The following C19orf12 variants were observed in gnomAD, a reference collection of about 807,000 sequenced individuals.
C19orf12 encodes protein C19orf12.
In C19orf12, 2 loss-of-function variants were observed where a neutral mutation model predicts 3.8. The ratio of observed to expected loss-of-function variants is 0.53; its 90% CI spans 0.22 to 1.66. The LOEUF (loss-of-function observed/expected upper bound fraction) is 1.66, where lower values mean the gene tolerates loss of function less well. Ranked by LOEUF, C19orf12 falls within the 40% of genes most tolerant of loss-of-function variation. C19orf12 has a pLI of 0.20. For missense variants in C19orf12, 156 were observed against 188.8 expected (o/e 0.83, Z 1.02); for synonymous variants, 89 against 84.6 (o/e 1.05, Z -0.28).
chr19:29,702,443 A>T lies in C19orf12; in HGVS notation c.*269T>A. ...AGCAGACGCCTCCGAAGCCTGCGGC[A>T]GGCAGGCCTTTACTCTTCACTGGGG... On this transcript the variant is annotated 3_prime_UTR_variant, in exon 3 of 3. Coordinates refer to ENST00000323670, the MANE Select transcript of C19orf12 (RefSeq NM_031448.6). The T allele has an allele frequency of 1.5e-6, 1 of 658,806 alleles. No individual in the cohort carries two copies. Among genetic ancestry groups the T allele is most frequent in the Non-Finnish European group, 2.8e-6 (1 of 359,264 alleles). 40.8% of individuals were successfully genotyped at this position (658,806 alleles called of 1,614,324 possible).
Position 29,700,566 on chromosome 19 carries a change from C to T in C19orf12, c.*2146G>A. ...TCAGTTCAACAAGAAAAGCCACACT[C>T]AGTTTTCACAGACAGACAACCCCTC... is the stretch of plus-strand genomic sequence containing the variant. On this transcript the variant is annotated 3_prime_UTR_variant, in exon 3 of 3. Coordinates refer to ENST00000323670, the MANE Select transcript of C19orf12 (RefSeq NM_031448.6). The T allele has an allele frequency of 4.4e-6, 2 of 454,108 alleles. No individual in the cohort carries two copies. The highest frequency in any genetic ancestry group is 3.1e-5 in the South Asian group (2 of 64,432). The allele number at this position is 454,108 out of a possible 1,614,324, so 28.1% of individuals were successfully genotyped here. A position where few individuals can be genotyped will look rare whatever the true frequency, so the allele number is the denominator to read the frequency against.
Position 29,700,110 on chromosome 19 carries a change from G to A in C19orf12, c.*2602C>T, listed in dbSNP as rs752766635. On this transcript the variant is annotated 3_prime_UTR_variant, in exon 3 of 3. Coordinates refer to ENST00000323670, the MANE Select transcript of C19orf12 (RefSeq NM_031448.6). ...CCCTGGGCATTTTTCCCTGCAGTAGGGGTGGGCAGGCTGTGGGAGGGGCTG... is the reference window on the plus strand; with the variant it reads ...CCCTGGGCATTTTTCCCTGCAGTAGAGGTGGGCAGGCTGTGGGAGGGGCTG... The A allele has an allele frequency of 1.8e-5, 8 of 454,072 alleles. No individual in the cohort carries two copies. Among genetic ancestry groups the A allele is most frequent in the South Asian group, 1.2e-4 (8 of 64,474 alleles). 28.1% of individuals were successfully genotyped at this position (454,072 alleles called of 1,614,324 possible).
intron 2 of C19orf12, 84 bp downstream of exon 2, chr19:29,708,170 T>C: frequency 5.1e-6 from 8 of 1,573,550 alleles, no homozygotes; most frequent in Non-Finnish European, 6.9e-6. Context: ...TGAGCCACAC[T>C]GTGCCTGGCC....
In C19orf12 at chr19:29,699,771, A is replaced by C. The variant is rs1369164588; in HGVS notation, c.*2941T>G. On this transcript the variant is annotated 3_prime_UTR_variant, in exon 3 of 3. Transcript: ENST00000323670. ...GGCATAGGAGCAGGCCTTCCCTTGC[A>C]GCTTGCGCCCTCCCGTACCTTTTAA... 2.2e-6 allele frequency: 1 copy of C among 453,942 alleles called. No homozygotes were observed. Among genetic ancestry groups the C allele is most frequent in the South Asian group, 1.6e-5 (1 of 64,364 alleles). The allele number at this position is 453,942 out of a possible 1,614,324, so 28.1% of individuals were successfully genotyped here. A position where few individuals can be genotyped will look rare whatever the true frequency, so the allele number is the denominator to read the frequency against.
chr19:29,708,456 A>G, intron 1 of C19orf12, 33 bp from the exon 2 acceptor site: 1 of 1,609,668 alleles, frequency 6.2e-7, no homozygotes, highest in Non-Finnish European at 8.5e-7. Flanking sequence ...GACAGTTTCA[A>G]TGAGCATAAG....
At chr19:29,704,172 C>T (rs950690891) in intron 2 of C19orf12, among the ~76,000 whole-genome samples, 46 of 152,062 alleles carry the variant, frequency 3.0e-4, no homozygotes, top group African/African-American at 9.2e-4. Context: ...GTTGTATGAT[C>T]GATAAATAAC....
rs973192553 is a variant in C19orf12 at position 29,699,437 on chromosome 19, C to T, written c.*3275G>A. The T allele has an allele frequency of 1.5e-5, 6 of 401,700 alleles. No homozygotes were observed. Among genetic ancestry groups the T allele is most frequent in the East Asian group, 7.2e-5 (1 of 13,874 alleles). 24.9% of individuals were successfully genotyped at this position (401,700 alleles called of 1,614,324 possible). ...GGCAGAGCTTGCAGTGAACCAAGATCGCGCTACTGCACTCCAGCCCGGGCG... is the reference window on the plus strand; with the variant it reads ...GGCAGAGCTTGCAGTGAACCAAGATTGCGCTACTGCACTCCAGCCCGGGCG... On this transcript the variant is annotated 3_prime_UTR_variant, in exon 3 of 3. Transcript: ENST00000323670.
rs1156783047 is a variant in C19orf12, at chr19:29,702,073, G to A, written c.*639C>T. On this transcript the variant is annotated 3_prime_UTR_variant, in exon 3 of 3. Coordinates refer to ENST00000323670, the MANE Select transcript of C19orf12 (RefSeq NM_031448.6). ...AGGACTTTTCAGATGGGAAGAGCGA[G>A]GCCCTGGCAGGGCGAGTCTAGGTGT... The A allele has an allele frequency of 4.4e-6, 2 of 449,490 alleles. No homozygotes were observed. Among genetic ancestry groups the A allele is most frequent in the African/African-American group, 4.0e-5 (2 of 49,844 alleles). The allele number at this position is 449,490 out of a possible 1,614,324, so 27.8% of individuals were successfully genotyped here. A position where few individuals can be genotyped will look rare whatever the true frequency, so the allele number is the denominator to read the frequency against.
intron 1 of C19orf12, among the ~76,000 whole-genome samples, chr19:29,714,139 C>CGGCCTCCCT (rs547996604): frequency 1.1e-3 from 163 of 152,072 alleles, no homozygotes; most frequent in Non-Finnish European, 2.1e-3. Flanking sequence ...TCTTCCGCCT[C>CGGCCTCCCT]GGCCTCCCGA....
Position 29,700,707 on chromosome 19 carries a change from G to T in C19orf12, c.*2005C>A, listed in dbSNP as rs1972040557. On this transcript the variant is annotated 3_prime_UTR_variant, in exon 3 of 3. Transcript: ENST00000323670. ...GGGCACCTGATTTGTGCTAGACGAG[G>T]CCAGCAGAAGAGCAATCGCTCTGCA... 1 of 454,016 alleles carries T rather than the reference G, an allele frequency of 2.2e-6. No individual in the cohort carries two copies. Among genetic ancestry groups the T allele is most frequent in the Admixed American group, 2.4e-5 (1 of 42,544 alleles). 28.1% of individuals were successfully genotyped at this position (454,016 alleles called of 1,614,324 possible). A position where few individuals can be genotyped will look rare whatever the true frequency, so the allele number is the denominator to read the frequency against.
At position 29,701,508 on chromosome 19, in the gene C19orf12, C is replaced by A. The variant is rs777183446; in HGVS notation, c.*1204G>T. On this transcript the variant is annotated 3_prime_UTR_variant, in exon 3 of 3. Transcript: ENST00000323670. ...TACGTGTTCAGTACCAATGCAATTT[C>A]TTTTTTCAAATATTTCCTATCCAAG... is the stretch of plus-strand genomic sequence containing the variant. The A allele has an allele frequency of 2.2e-6, 1 of 454,072 alleles. No individual in the cohort carries two copies. The highest frequency in any genetic ancestry group is 1.6e-5 in the South Asian group (1 of 64,478). The allele number at this position is 454,072 out of a possible 1,614,324, so 28.1% of individuals were successfully genotyped here. A position where few individuals can be genotyped will look rare whatever the true frequency, so the allele number is the denominator to read the frequency against.
intron 2 of C19orf12, among the ~76,000 whole-genome samples, chr19:29,703,494 C>A (rs1330437097): frequency 6.6e-6 from 1 of 151,452 alleles, no homozygotes; most frequent in East Asian, 2.0e-4. Flanking sequence ...GATTCTCCCA[C>A]CTCAGCCTCC....
chr19:29,702,891 C>A lies in C19orf12; in HGVS notation c.247G>T (p.Ala83Ser). The A allele has an allele frequency of 6.2e-7, 1 of 1,614,200 alleles. No homozygotes were observed. Among genetic ancestry groups the A allele is most frequent in the Non-Finnish European group, 8.5e-7 (1 of 1,180,024 alleles). Residue 83 changes from alanine (A) to serine (S), a missense_variant, in exon 3 of 3, where the codon GCC becomes TCC. Ala to Ser is a moderately conservative substitution (Grantham distance 99). Coordinates refer to ENST00000323670, the MANE Select transcript of C19orf12 (RefSeq NM_031448.6). ...VPQILMELPP[A>S]EQQRLFNEAA... ...TCGTTAAAGAGCCTCTGTTGCTCGG[C>A]AGGGGGCAGCTCCATTAGGATCTGA...
Position 29,710,325 on chromosome 19 carries a change from C to G in C19orf12, c.-10-1902G>C, listed in dbSNP as rs563673357. 3.9e-5 allele frequency among the ~76,000 whole-genome samples: 6 copies of G among 152,258 alleles called. No homozygotes were observed. In the South Asian group the frequency reaches 1.2e-3, roughly 32 times the overall value. ...AGGTCCTCAGAACTTCTCTGCAGTC[C>G]CAGGAGAGCATCCTGCGCTCCTGCC... is the stretch of plus-strand genomic sequence containing the variant. On this transcript the variant is annotated intron_variant, in intron 1 of 2. Coordinates refer to ENST00000323670, the MANE Select transcript of C19orf12 (RefSeq NM_031448.6).
At chr19:29,714,330 TA>T (rs1330844461) in intron 1 of C19orf12, among the ~76,000 whole-genome samples, 1 of 151,960 alleles carries the variant, frequency 6.6e-6, no homozygotes, top group Non-Finnish European at 1.5e-5. Flanking sequence ...CCGTCTCTAC[TA>T]AAAATACAAA....
At chr19:29,711,512 T>C (rs936055115) in intron 1 of C19orf12, among the ~76,000 whole-genome samples, 3 of 152,242 alleles carry the variant, frequency 2.0e-5, no homozygotes, top group Non-Finnish European at 4.4e-5. Flanking sequence ...AGAGAGGCAC[T>C]GCCCAGGTCT....
Position 29,699,477 on chromosome 19 carries a change from C to T in C19orf12, c.*3235G>A, listed in dbSNP as rs745324741. 3.7e-4 allele frequency: 138 copies of T among 371,540 alleles called. No homozygotes were observed. In the African/African-American group the frequency reaches 4.5e-3, roughly 12 times the overall value. The allele number at this position is 371,540 out of a possible 1,614,324, so 23.0% of individuals were successfully genotyped here. A position where few individuals can be genotyped will look rare whatever the true frequency, so the allele number is the denominator to read the frequency against. The stretch of plus-strand genomic sequence containing the variant: ...CAGCCCGGGCGACAGTGCGAGACTC[C>T]ATCTCAAAAAAAAAAAAAAGAAAAA... On this transcript the variant is annotated 3_prime_UTR_variant, in exon 3 of 3. Transcript: ENST00000323670.
At chr19:29,713,999 T>G (rs895847286) in intron 1 of C19orf12, among the ~76,000 whole-genome samples, 2 of 148,552 alleles carry the variant, frequency 1.3e-5, no homozygotes, top group Non-Finnish European at 3.0e-5. Context: ...TTTCGTTCTC[T>G]CTCTCTCTCT....
At chr19:29,710,691 A>G (rs901291734) in intron 1 of C19orf12, among the ~76,000 whole-genome samples, 2 of 152,176 alleles carry the variant, frequency 1.3e-5, no homozygotes, top group East Asian at 3.8e-4. Flanking sequence ...AGGAGCACTC[A>G]GGCCTGGGGG....
Sources: gnomAD v4.1 joint callset for allele counts (sites outside exome capture counted in the v4.1 genomes callset) on GRCh38, gnomAD v4.1.1 for gene constraint, MANE v1.5 for transcripts, NCBI Gene and HGNC (gene_info 2026-07-23, HGNC 2026-07-21) for gene names.